Variants in SFXN5 observed in about 807,000 individuals in gnomAD.
The protein encoded by SFXN5 is sideroflexin 5.
SFXN5 carries 43 observed loss-of-function variants against 50.2 expected under a neutral mutation model. That is an observed-to-expected ratio of 0.86 (90% CI 0.67 to 1.11). The LOEUF is 1.11. Ranked by LOEUF, SFXN5 falls within the 50% of genes least tolerant of loss-of-function variation. The probability of loss-of-function intolerance (pLI) is 0.00; values close to 1 mark genes in which losing one functional copy is unlikely to be tolerated. For missense variants in SFXN5, 463 were observed against 454.1 expected, an observed-to-expected ratio of 1.02 and a Z score of -0.18; for synonymous variants, 203 against 185.8, an observed-to-expected ratio of 1.09 and a Z score of -0.75.
At chr2:72,980,717 C>T (rs946965366) in intron 10 of SFXN5, among the ~76,000 whole-genome samples, 2 of 152,162 alleles carry the variant, frequency 1.3e-5, no homozygotes, top group Non-Finnish European at 2.9e-5. Flanking sequence ...TCACAGCTGC[C>T]TCTTAGCTTG....
chr2:73,004,315 GCACACACACACACACA>G (rs59114781), intron 6 of SFXN5, among the ~76,000 whole-genome samples: 3 of 115,556 alleles, frequency 2.6e-5, no homozygotes, highest in Admixed American at 8.3e-5. Flanking sequence ...GAGTGCGCGC[GCACACACACACACACA>G]CACACACACA....
At position 72,950,262 on chromosome 2, in the gene SFXN5, CAG is replaced by C. The variant is rs1048864084; in HGVS notation, c.946-5165_946-5164del. On this transcript the variant is annotated intron_variant, in intron 13 of 13. Transcript: ENST00000272433. The surrounding 1 kb of genome is among the most constrained non-coding windows in gnomAD (Gnocchi z 4.2). ...ACAAACACTGAGCAGCCATGAGCGT[CAG>C]AGAGAGTTTTCTGAGAGTTGTCCCA... is the stretch of plus-strand genomic sequence containing the variant. Among the ~76,000 whole-genome samples, 1 of 152,264 alleles carries C rather than the reference CAG, an allele frequency of 6.6e-6. No individual in the cohort carries two copies. Among genetic ancestry groups the C allele is most frequent in the East Asian group, 1.9e-4 (1 of 5,186 alleles).
chr2:72,979,506 C>A (rs932573404), intron 10 of SFXN5, among the ~76,000 whole-genome samples: 6 of 152,218 alleles, frequency 3.9e-5, no homozygotes, highest in Non-Finnish European at 8.8e-5. Flanking sequence ...TGGTGGCATG[C>A]ACCTGTAATC....
chr2:72,975,479 A>T (rs1329132215), intron 10 of SFXN5, among the ~76,000 whole-genome samples: 3 of 152,220 alleles, frequency 2.0e-5, no homozygotes, highest in East Asian at 3.8e-4. Flanking sequence ...TTAAACACAG[A>T]CATGCAGCAA....
chr2:72,966,516 G>A (rs56016348), intron 12 of SFXN5, among the ~76,000 whole-genome samples: 30,773 of 152,016 alleles, frequency 0.2, 3,444 homozygotes, highest in East Asian at 0.42. Context: ...CATACCATAC[G>A]CATTTTCTTA....
chr2:72,966,967 T>C (rs1241554547), intron 12 of SFXN5, among the ~76,000 whole-genome samples: 1 of 152,200 alleles, frequency 6.6e-6, no homozygotes, highest in African/African-American at 2.4e-5. Context: ...AGGGCAGGAC[T>C]CAAACACAGG....
chr2:72,988,399 G>C, intron 9 of SFXN5, 51 bp from the exon 10 acceptor site: 1 of 1,511,572 alleles, frequency 6.6e-7, no homozygotes, highest in Non-Finnish European at 9.1e-7. Context: ...TGCTGCAGTG[G>C]CTTGTGGGAG....
intron 1 of SFXN5, among the ~76,000 whole-genome samples, chr2:73,063,800 G>T (rs1682987276): frequency 6.6e-6 from 1 of 152,150 alleles, no homozygotes. Context: ...TTCTTTCTTT[G>T]CAGCTGGCTC....
In SFXN5 at chr2:72,961,170, G is replaced by A. The variant is rs774403139; in HGVS notation, c.906C>T (p.Ala302=). ...GGAAGAGGCTGATGGCCAGCGGCAG[G>A]GCCAGGCCGAAGGCTGCCAGGCACA... ...SLVCLAAFGL[A]LPLAISLFPQ... Residue 302 remains alanine, a synonymous_variant, in exon 13 of 14, where the codon GCC becomes GCT. Coordinates refer to ENST00000272433, the MANE Select transcript of SFXN5 (RefSeq NM_144579.3). This position sits in a 1 kb window ranked among gnomAD's most constrained non-coding sequence, Gnocchi z 4.4. The A allele has an allele frequency of 4.4e-6, 7 of 1,579,718 alleles. No homozygotes were observed. Among genetic ancestry groups the A allele is most frequent in the African/African-American group, 1.4e-5 (1 of 72,762 alleles).
rs557476063 is a variant in SFXN5, at chr2:72,944,501, T to G, written c.*521A>C. Reference sequence around the variant, plus strand: ...GGGGTGCAGACCACCTTCTCTCCCCTCCCCATGCCAGCCCAGGGAGCCATC... The same window carrying G: ...GGGGTGCAGACCACCTTCTCTCCCCGCCCCATGCCAGCCCAGGGAGCCATC... On this transcript the variant is annotated 3_prime_UTR_variant, in exon 14 of 14. Transcript: ENST00000272433. 1 of 154,094 alleles carries G rather than the reference T, an allele frequency of 6.5e-6. No homozygotes were observed. The highest frequency in any genetic ancestry group is 2.4e-5 in the African/African-American group (1 of 41,358). 9.5% of individuals were successfully genotyped at this position (154,094 alleles called of 1,614,324 possible).
chr2:73,032,114 A>T (rs1678379350), intron 3 of SFXN5, among the ~76,000 whole-genome samples: 1 of 152,170 alleles, frequency 6.6e-6, no homozygotes, highest in African/African-American at 2.4e-5. Context: ...GCTGGTTGCT[A>T]GTTTGAAGTT....
chr2:73,066,026 A>G (rs565139922), intron 1 of SFXN5, among the ~76,000 whole-genome samples: 2 of 152,234 alleles, frequency 1.3e-5, no homozygotes, highest in Non-Finnish European at 2.9e-5. Flanking sequence ...GAAGCAAAGC[A>G]GGTCTCAGAG....
Position 72,987,113 on chromosome 2 carries a change from G to T in SFXN5, c.625+1145C>A, listed in dbSNP as rs189799595. Among the ~76,000 whole-genome samples the T allele has an allele frequency of 4.6e-3, 693 of 151,974 alleles. 10 individuals carry two copies. Among genetic ancestry groups the T allele is most frequent in the African/African-American group, 0.015 (608 of 41,460 alleles). ...GATATAGTAATAGATGTTTTTTGGG[G>T]TTTTTTTTGTTTTGTTTTGTTTTTG... is the stretch of plus-strand genomic sequence containing the variant. On this transcript the variant is annotated intron_variant, in intron 10 of 13. Transcript: ENST00000272433.
At chr2:72,966,436 G>A (rs1232860125) in intron 12 of SFXN5, among the ~76,000 whole-genome samples, 2 of 152,174 alleles carry the variant, frequency 1.3e-5, no homozygotes, top group African/African-American at 4.8e-5. Flanking sequence ...AGTTCACGAA[G>A]GGGCTACGTA....
intron 13 of SFXN5, among the ~76,000 whole-genome samples, chr2:72,955,650 C>T (rs191667105): frequency 6.6e-6 from 1 of 152,362 alleles, no homozygotes; most frequent in East Asian, 1.9e-4. Flanking sequence ...GGAACACCGG[C>T]TGTCAGAGTT....
chr2:72,955,485 C>G (rs1672992945), intron 13 of SFXN5, among the ~76,000 whole-genome samples: 1 of 152,102 alleles, frequency 6.6e-6, no homozygotes, highest in Non-Finnish European at 1.5e-5. Flanking sequence ...TGGGGGAGAG[C>G]CCGAGAGGAA....
intron 10 of SFXN5, among the ~76,000 whole-genome samples, chr2:72,975,218 T>C (rs1043591203): frequency 1.3e-5 from 2 of 152,232 alleles, no homozygotes; most frequent in African/African-American, 4.8e-5. Flanking sequence ...TGCAAAATCA[T>C]GCAGATTGTG....
intron 10 of SFXN5, among the ~76,000 whole-genome samples, chr2:72,974,918 T>A (rs904159349): frequency 6.6e-6 from 1 of 151,580 alleles, no homozygotes; most frequent in Non-Finnish European, 1.5e-5. Context: ...ACAGGTCTCC[T>A]CTCCAACACA....
rs972729270 is a variant in SFXN5, at chr2:73,022,514, G to C, written c.331+8C>G. ...CTGACCAGAACCAGAAGGGCCCCAGGAGCTTACCTGACATTCTAAATGGCA... is the reference window on the plus strand; with the variant it reads ...CTGACCAGAACCAGAAGGGCCCCAGCAGCTTACCTGACATTCTAAATGGCA... On this transcript the variant is annotated splice_region_variant and intron_variant, in intron 5 of 13. Coordinates refer to ENST00000272433, the MANE Select transcript of SFXN5 (RefSeq NM_144579.3). The C allele has an allele frequency of 3.7e-6, 6 of 1,612,228 alleles. No individual in the cohort carries two copies. In the South Asian group the frequency reaches 6.6e-5, roughly 18 times the overall value.
Sources: gnomAD v4.1 joint callset for allele counts (sites outside exome capture counted in the v4.1 genomes callset) on GRCh38, gnomAD v4.1.1 for gene constraint, Gnocchi (gnomAD v3.1) non-coding constraint, MANE v1.5 for transcripts, NCBI Gene and HGNC (gene_info 2026-07-23, HGNC 2026-07-21) for gene names.